The following DLGAP2 variants were observed in gnomAD, a reference collection of about 807,000 sequenced individuals.
DLGAP2 encodes the protein DLG associated protein 2, also known as disks large-associated protein 2.
DLGAP2 carries 26 observed loss-of-function variants against 100.3 expected under a neutral mutation model. The observed-to-expected ratio is 0.26, with a 90% CI of 0.19 to 0.36. The LOEUF is 0.36. Ranked by LOEUF, DLGAP2 falls within the 10% of genes least tolerant of loss-of-function variation. DLGAP2 has a pLI of 1.00. For missense variants in DLGAP2, 1,858 were observed against 1,453.2 expected, an observed-to-expected ratio of 1.28 and a Z score of -4.53; for synonymous variants, 886 against 630.1, an observed-to-expected ratio of 1.41 and a Z score of -6.08.
At chr8:1,478,625 A>G (rs1318479612) in intron 3 of DLGAP2, among the ~76,000 whole-genome samples, 2 of 151,434 alleles carry the variant, frequency 1.3e-5, no homozygotes, top group Non-Finnish European at 2.9e-5. Context: ...CCACCCCACA[A>G]GGCCCTCCTT....
At chr8:1,388,888 A>G (rs36095804) in intron 3 of DLGAP2, among the ~76,000 whole-genome samples, 78 of 80,650 alleles carry the variant, frequency 9.7e-4, no homozygotes, top group Non-Finnish European at 9.9e-4. Flanking sequence ...CGCTGGTTCA[A>G]GTGTCAGGGC....
rs371271588 is a variant in DLGAP2, at chr8:1,093,003, A to C, written c.74-165848A>C. On this transcript the variant is annotated intron_variant, in intron 2 of 14. Transcript: ENST00000637795. Reference sequence around the variant, plus strand: ...GGGGCTGCGGGTCCGAAATCCCCAGAGTAGGCCATGGGCAGGCGCCCTGGG... The same window carrying C: ...GGGGCTGCGGGTCCGAAATCCCCAGCGTAGGCCATGGGCAGGCGCCCTGGG... 9.8e-5 allele frequency among the ~76,000 whole-genome samples: 15 copies of C among 152,340 alleles called. No individual in the cohort carries two copies. In the East Asian group the frequency reaches 1.7e-3, roughly 18 times the overall value.
chr8:1,245,862 C>T (rs980494175), intron 2 of DLGAP2, among the ~76,000 whole-genome samples: 9 of 152,290 alleles, frequency 5.9e-5, no homozygotes, highest in Middle Eastern at 3.4e-3. Context: ...CCGAGGTACA[C>T]GGGACCCTGG....
intron 3 of DLGAP2, among the ~76,000 whole-genome samples, chr8:1,389,208 A>G (rs1340316702): frequency 1.3e-5 from 2 of 152,032 alleles, no homozygotes; most frequent in African/African-American, 2.4e-5. Context: ...TTTATGGGAA[A>G]TGCCATAATG....
intron 1 of DLGAP2, among the ~76,000 whole-genome samples, chr8:791,592 CATAA>C (rs1170549612): frequency 6.6e-6 from 1 of 152,144 alleles, no homozygotes; most frequent in African/African-American, 2.4e-5. Flanking sequence ...TCGATTCTAA[CATAA>C]ATAATTATGA....
At chr8:1,117,883 C>CT (rs1207929764) in intron 2 of DLGAP2, among the ~76,000 whole-genome samples, 7 of 151,598 alleles carry the variant, frequency 4.6e-5, no homozygotes, top group African/African-American at 1.7e-4. Context: ...TTTTTTTTTC[C>CT]TTTAAGAAAA....
At chr8:1,545,364 G>A (rs746011065) in intron 4 of DLGAP2, among the ~76,000 whole-genome samples, 8 of 152,060 alleles carry the variant, frequency 5.3e-5, no homozygotes, top group Non-Finnish European at 8.8e-5. Context: ...TGGGTAGGCC[G>A]GCCGCCCCAT....
intron 2 of DLGAP2, among the ~76,000 whole-genome samples, chr8:911,271 G>A (rs1798479197): frequency 6.6e-6 from 1 of 152,220 alleles, no homozygotes; most frequent in African/African-American, 2.4e-5. Flanking sequence ...TAGGATGCGT[G>A]TGTAATGTAT....
intron 3 of DLGAP2, among the ~76,000 whole-genome samples, chr8:1,460,524 G>C (rs1798443405): frequency 6.6e-6 from 1 of 152,158 alleles, no homozygotes; most frequent in African/African-American, 2.4e-5. Context: ...TGCCTTCCTG[G>C]AGCCACAGTG....
At chr8:1,569,980 AG>A in intron 6 of DLGAP2, among the ~76,000 whole-genome samples, 2 of 152,196 alleles carry the variant, frequency 1.3e-5, no homozygotes, top group Non-Finnish European at 2.9e-5. Context: ...GGCGGAGGCC[AG>A]GGTAGATACT....
Position 1,365,506 on chromosome 8 carries a change from C to G in DLGAP2, c.106+106623C>G, listed in dbSNP as rs1446194804. Among the ~76,000 whole-genome samples the G allele has an allele frequency of 2.6e-5, 4 of 152,264 alleles. No individual in the cohort carries two copies. In the East Asian group the frequency reaches 7.7e-4, roughly 29 times the overall value. On this transcript the variant is annotated intron_variant, in intron 3 of 14. Coordinates refer to ENST00000637795, the MANE Select transcript of DLGAP2 (RefSeq NM_001346810.2). ...CTGCAGTTACTGAGCAGGTGCCCTC[C>G]CAGGTCCAGGATGGCAGGTCCGGCA...
At chr8:1,478,131 G>C (rs1325635027) in intron 3 of DLGAP2, among the ~76,000 whole-genome samples, 3 of 152,156 alleles carry the variant, frequency 2.0e-5, no homozygotes, top group African/African-American at 7.2e-5. Context: ...TTAATGAAAT[G>C]CCCTCTGTTT....
At chr8:1,371,014 C>T (rs1030253494) in intron 3 of DLGAP2, among the ~76,000 whole-genome samples, 1 of 152,260 alleles carries the variant, frequency 6.6e-6, no homozygotes, top group Admixed American at 6.5e-5. Context: ...GTGTCAGCCA[C>T]TTCTAATACC....
intron 2 of DLGAP2, chr8:1,248,577 G>GC: frequency 7.1e-6 from 1 of 140,800 alleles, no homozygotes; most frequent in Non-Finnish European, 1.6e-5. Context: ...CGGTGGCTCG[G>GC]AAGACCTTTG....
At chr8:740,427 A>G (rs1431834706) in intron 1 of DLGAP2, 3 of 152,180 alleles carry the variant, frequency 2.0e-5, no homozygotes, top group Non-Finnish European at 4.4e-5. Flanking sequence ...TTCGATTTTT[A>G]GTTTTGTAGA....
chr8:1,225,252 C>T (rs918842816), intron 2 of DLGAP2, among the ~76,000 whole-genome samples: 3 of 152,158 alleles, frequency 2.0e-5, no homozygotes, highest in African/African-American at 4.8e-5. Context: ...GTTATGAACA[C>T]GAGTGAGGGA....
chr8:792,921 A>G (rs957715982), intron 1 of DLGAP2, among the ~76,000 whole-genome samples: 26 of 152,054 alleles, frequency 1.7e-4, no homozygotes, highest in Admixed American at 1.2e-3. Flanking sequence ...ACGCATTTCT[A>G]TTGTGCTTTT....
intron 6 of DLGAP2, among the ~76,000 whole-genome samples, chr8:1,600,983 C>T (rs975141196): frequency 6.6e-6 from 1 of 152,186 alleles, no homozygotes; most frequent in Non-Finnish European, 1.5e-5. Context: ...CCTTGTTGTG[C>T]TGGTTTTTCC....
chr8:1,202,752 C>T (rs886969132), intron 2 of DLGAP2, among the ~76,000 whole-genome samples: 11 of 152,282 alleles, frequency 7.2e-5, no homozygotes, highest in Admixed American at 3.9e-4. Context: ...GTGTGAGATC[C>T]AGAGGCCTCA....
Sources: gnomAD v4.1 joint callset for allele counts (sites outside exome capture counted in the v4.1 genomes callset) on GRCh38, gnomAD v4.1.1 for gene constraint, MANE v1.5 for transcripts, NCBI Gene and HGNC (gene_info 2026-07-23, HGNC 2026-07-21) for gene names.